GLI2: variants seen among roughly 807,000 people sequenced by gnomAD.
GLI2 encodes GLI family zinc finger 2.
Under a neutral mutation model 78.9 loss-of-function variants are expected in GLI2, and 22 were observed. That is an observed-to-expected ratio of 0.28 (90% CI 0.20 to 0.40). The LOEUF (loss-of-function observed/expected upper bound fraction) is 0.40. Among genes scored for constraint, GLI2 ranks in the 10% least tolerant of loss-of-function variants. The pLI is 1.00. For missense variants in GLI2, 2,097 were observed against 2,213.2 expected, an observed-to-expected ratio of 0.95 and a Z score of 1.05; for synonymous variants, 974 against 963.7, an observed-to-expected ratio of 1.01 and a Z score of -0.20.
At chr2:120,963,596 G>GTGTA (rs1165190456) in intron 5 of GLI2, among the ~76,000 whole-genome samples, 3 of 151,764 alleles carry the variant, frequency 2.0e-5, no homozygotes, top group Non-Finnish European at 4.4e-5. Flanking sequence ...CTGGGTGTGT[G>GTGTA]TGTGTCCACC....
chr2:120,982,639 G>A (rs1374842616), intron 10 of GLI2, 77 bp from the exon 11 acceptor site: 1 of 1,245,628 alleles, frequency 8.0e-7, no homozygotes, highest in Non-Finnish European at 1.2e-6. Context: ...CAGAGAAGGG[G>A]GTGGGGAGGA....
At chr2:120,749,873 T>C (rs1379854191) in intron 1 of GLI2, among the ~76,000 whole-genome samples, 2 of 152,228 alleles carry the variant, frequency 1.3e-5, no homozygotes, top group Non-Finnish European at 2.9e-5. Context: ...CCACTAGGTA[T>C]AGGACATGTG....
At chr2:120,846,469 T>A (rs1007354442) in intron 2 of GLI2, among the ~76,000 whole-genome samples, 2 of 152,154 alleles carry the variant, frequency 1.3e-5, no homozygotes, top group Admixed American at 1.3e-4. Flanking sequence ...CTCCGGGCAG[T>A]TGGTAATTTG....
At chr2:120,846,463 G>A (rs190703132) in intron 2 of GLI2, among the ~76,000 whole-genome samples, 13 of 152,344 alleles carry the variant, frequency 8.5e-5, no homozygotes, top group South Asian at 6.2e-4. Context: ...CTGGGTCTCC[G>A]GGCAGTTGGT....
Position 120,881,994 on chromosome 2 carries a change from A to G in GLI2, c.149-45367A>G, listed in dbSNP as rs965660634. ...TCCAGGTCTTTTGGGATGGAATGTCATAGGGGACAACTAAGGCCCTGTAGG... is the reference window on the plus strand; with the variant it reads ...TCCAGGTCTTTTGGGATGGAATGTCGTAGGGGACAACTAAGGCCCTGTAGG... On this transcript the variant is annotated intron_variant, in intron 2 of 13. Transcript: ENST00000361492. Among the ~76,000 whole-genome samples, 3 of 152,034 alleles carry G rather than the reference A, an allele frequency of 2.0e-5. No individual in the cohort carries two copies. In the East Asian group the frequency reaches 5.8e-4, roughly 29 times the overall value.
At chr2:120,744,153 G>A (rs1011946175) in intron 1 of GLI2, among the ~76,000 whole-genome samples, 1 of 152,242 alleles carries the variant, frequency 6.6e-6, no homozygotes, top group African/African-American at 2.4e-5. Context: ...CTCTGAAGAT[G>A]ATAAGGGTGG....
chr2:120,773,880 C>T (rs970258089), intron 1 of GLI2, among the ~76,000 whole-genome samples: 5 of 150,868 alleles, frequency 3.3e-5, no homozygotes, highest in African/African-American at 1.2e-4. Flanking sequence ...CTACCTACCT[C>T]CCTTCCCTCC....
chr2:120,746,285 A>G (rs1450950409), intron 1 of GLI2, among the ~76,000 whole-genome samples: 1 of 152,198 alleles, frequency 6.6e-6, no homozygotes, highest in Non-Finnish European at 1.5e-5. Context: ...TCATGCTTAC[A>G]GTGATTGTAG....
At chr2:120,859,203 T>C (rs1400684110) in intron 2 of GLI2, among the ~76,000 whole-genome samples, 1 of 152,194 alleles carries the variant, frequency 6.6e-6, no homozygotes, top group South Asian at 2.1e-4. Flanking sequence ...GCCTTTGTCG[T>C]TTTTACAGGT....
chr2:120,969,989 G>A (rs2592594), intron 6 of GLI2, among the ~76,000 whole-genome samples: 127,764 of 152,186 alleles, frequency 0.84, 57,419 homozygotes, highest in East Asian at 1. Flanking sequence ...TGCAAGCTGG[G>A]GGGCTCAGGG....
rs1267451175 is a variant in GLI2, at chr2:120,927,259, G to A, written c.149-102G>A. 4.6e-6 allele frequency: 4 copies of A among 864,302 alleles called. No individual in the cohort carries two copies. In the African/African-American group the frequency reaches 6.6e-5, roughly 14 times the overall value. 53.5% of individuals were successfully genotyped at this position (864,302 alleles called of 1,614,324 possible). ...CACTGCGGAGCCCCTTGTCCTGGCT[G>A]CTCTTGCTATGAAATTCATTGAGCT... is the stretch of plus-strand genomic sequence containing the variant. On this transcript the variant is annotated intron_variant, in intron 2 of 13. Coordinates refer to ENST00000361492, the MANE Select transcript of GLI2 (RefSeq NM_001374353.1).
intron 1 of GLI2, among the ~76,000 whole-genome samples, chr2:120,767,821 G>C (rs899631097): frequency 8.5e-5 from 13 of 152,240 alleles, no homozygotes; most frequent in African/African-American, 2.9e-4. Flanking sequence ...TGTGCCTCTT[G>C]TCTTCATCTG....
intron 9 of GLI2, among the ~76,000 whole-genome samples, chr2:120,978,059 C>T (rs1348618344): frequency 6.6e-6 from 1 of 152,200 alleles, no homozygotes; most frequent in Non-Finnish European, 1.5e-5. Context: ...CGTCATCACA[C>T]CAGAGCCCAG....
intron 2 of GLI2, among the ~76,000 whole-genome samples, chr2:120,888,074 T>C (rs1234977325): frequency 6.6e-6 from 1 of 152,212 alleles, no homozygotes; most frequent in African/African-American, 2.4e-5. Flanking sequence ...CTTCCCCAGC[T>C]GAGCCTTGCG....
Position 120,990,794 on chromosome 2 carries a change from G to C in GLI2, c.*119G>C, listed in dbSNP as rs778424802. ...TTAAATAGGCTTGAGGGGTTGTTGC[G>C]CAATGGCCGCTTCAGATGACAGATG... On this transcript the variant is annotated 3_prime_UTR_variant, in exon 14 of 14. Transcript: ENST00000361492. The C allele has an allele frequency of 1.4e-6, 1 of 737,996 alleles. No homozygotes were observed. Among genetic ancestry groups the C allele is most frequent in the Non-Finnish European group, 2.2e-6 (1 of 452,518 alleles). The allele number at this position is 737,996 out of a possible 1,614,324, so 45.7% of individuals were successfully genotyped here.
chr2:120,736,597 G>A (rs1451069897), intron 1 of GLI2, among the ~76,000 whole-genome samples: 2 of 151,660 alleles, frequency 1.3e-5, no homozygotes, highest in African/African-American at 4.8e-5. Context: ...GGTGCACAGC[G>A]AGCCGGCCTC....
At chr2:120,873,145 T>C (rs1424199228) in intron 2 of GLI2, among the ~76,000 whole-genome samples, 1 of 152,252 alleles carries the variant, frequency 6.6e-6, no homozygotes, top group East Asian at 1.9e-4. Flanking sequence ...ATACTGTCAT[T>C]ACTGATGCCT....
chr2:120,840,883 T>C (rs1686836838), intron 2 of GLI2, among the ~76,000 whole-genome samples: 1 of 152,088 alleles, frequency 6.6e-6, no homozygotes. Flanking sequence ...TAAAAAGAGA[T>C]CCACTGGGTT....
At chr2:120,739,938 T>C (rs927528678) in intron 1 of GLI2, among the ~76,000 whole-genome samples, 60 of 152,238 alleles carry the variant, frequency 3.9e-4, no homozygotes, top group African/African-American at 1.4e-3. Flanking sequence ...CAGGCTTGTT[T>C]AACAGATTTG....
Sources: gnomAD v4.1 joint callset for allele counts (sites outside exome capture counted in the v4.1 genomes callset) on GRCh38, gnomAD v4.1.1 for gene constraint, MANE v1.5 for transcripts, NCBI Gene and HGNC (gene_info 2026-07-23, HGNC 2026-07-21) for gene names.